Variants in NDRG3 observed in about 807,000 individuals in gnomAD.
NDRG3 encodes the protein NDRG family member 3, also known as protein NDRG3.
In NDRG3, 23 loss-of-function variants were observed where a neutral mutation model predicts 57.2. The ratio of observed to expected loss-of-function variants is 0.40; its 90% CI spans 0.29 to 0.57. The LOEUF is 0.57. Ranked by LOEUF, NDRG3 falls within the 20% of genes least tolerant of loss-of-function variation. The pLI is 0.42. For missense variants in NDRG3, 384 were observed against 457.3 expected (o/e 0.84, Z 1.46); for synonymous variants, 132 against 162.6 (o/e 0.81, Z 1.43).
intron 9 of NDRG3, 143 bp downstream of exon 9, chr20:36,671,198 G>T: frequency 1.5e-6 from 1 of 663,600 alleles, no homozygotes. Flanking sequence ...ACCTTTGCAG[G>T]GCCACATGCC....
At chr20:36,681,918 G>T (rs528197811) in intron 7 of NDRG3, among the ~76,000 whole-genome samples, 16 of 152,056 alleles carry the variant, frequency 1.1e-4, no homozygotes, top group Admixed American at 8.5e-4. Context: ...GGCTGGTCTC[G>T]AACTCCTGAC....
intron 2 of NDRG3, among the ~76,000 whole-genome samples, chr20:36,717,579 C>G (rs994452547): frequency 1.3e-5 from 2 of 152,188 alleles, no homozygotes; most frequent in Non-Finnish European, 2.9e-5. Context: ...CTTTACTGGG[C>G]AAACCAGCCT....
Position 36,653,529 on chromosome 20 carries a change from C to T in NDRG3, c.1119G>A (p.Val373=), listed in dbSNP as rs1319953843. Reference sequence around the variant, plus strand: ...GGGGAGGAGCATCTGCTTAGCAGGACACCTCCATGGTCTGGTGTCTGTCCA... The same window carrying T: ...GGGGAGGAGCATCTGCTTAGCAGGATACCTCCATGGTCTGGTGTCTGTCCA... ...DVLDRHQTME[V]SC is the part of the protein sequence containing the mutation. The change falls in exon 16 of 16, where the codon GTG becomes GTA. Residue 373 remains valine, a synonymous_variant. Transcript: ENST00000349004. This position sits in a 1 kb window ranked among gnomAD's most constrained non-coding sequence, Gnocchi z 4.2. 1.2e-6 allele frequency: 2 copies of T among 1,613,762 alleles called. No homozygotes were observed. The highest frequency in any genetic ancestry group is 1.3e-5 in the African/African-American group (1 of 74,914).
In NDRG3 at chr20:36,736,454, G is replaced by A. The variant is rs1037724580; in HGVS notation, c.-49+9591C>T. 7.2e-5 allele frequency among the ~76,000 whole-genome samples: 11 copies of A among 152,124 alleles called. No individual in the cohort carries two copies. In the East Asian group the frequency reaches 7.7e-4, roughly 11 times the overall value. On this transcript the variant is annotated intron_variant, in intron 1 of 15. Transcript: ENST00000349004. ...AGGTGTGGAGCTGGAACTAGCATGCGGATTCCTAGCTCAGCTCTGAAAGAG... is the reference window on the plus strand; with the variant it reads ...AGGTGTGGAGCTGGAACTAGCATGCAGATTCCTAGCTCAGCTCTGAAAGAG...
chr20:36,675,200 C>T (rs528786459), intron 8 of NDRG3, among the ~76,000 whole-genome samples: 98 of 143,736 alleles, frequency 6.8e-4, no homozygotes, highest in South Asian at 3.4e-3. Context: ...GCTGGGATTA[C>T]AGACATGTGC....
rs200747256 is a variant in NDRG3 at position 36,687,529 on chromosome 20, G to C, written c.283C>G (p.Pro95Ala). The C allele has an allele frequency of 1.2e-6, 2 of 1,613,902 alleles. No individual in the cohort carries two copies. The highest frequency in any genetic ancestry group is 1.7e-6 in the Non-Finnish European group (2 of 1,180,004). The change falls in exon 5 of 16, where the codon CCA becomes GCA. Residue 95 changes from proline to alanine, a missense_variant. Pro to Ala is a conservative substitution (Grantham distance 27, BLOSUM62 -1). Coordinates refer to ENST00000349004, the MANE Select transcript of NDRG3 (RefSeq NM_032013.4). ...GAGGGTGCACCTTCCTGCTGGCCTG[G>C]GGCATCCACATGACAGACAGCAAAG... ...QHFAVCHVDA[P>A]GQQEGAPSFP...
At chr20:36,691,418 T>A (rs1270784656) in intron 3 of NDRG3, among the ~76,000 whole-genome samples, 2 of 152,138 alleles carry the variant, frequency 1.3e-5, no homozygotes, top group East Asian at 3.9e-4. Flanking sequence ...AAACTGGCTA[T>A]GAAATAAAGT....
In NDRG3 at chr20:36,697,948, GT is replaced by G. The variant is rs754191391; in HGVS notation, c.93+9023del. Among the ~76,000 whole-genome samples, 292 of 144,432 alleles carry G rather than the reference GT, an allele frequency of 2.0e-3. 1 individual carries two copies. The highest frequency in any genetic ancestry group is 3.2e-3 in the Non-Finnish European group (209 of 65,872). The allele number at this position is 144,432 out of a possible 152,430, so 94.8% of individuals were successfully genotyped here. A position where few individuals can be genotyped will look rare whatever the true frequency, so the allele number is the denominator to read the frequency against. On this transcript the variant is annotated intron_variant, in intron 3 of 15. Coordinates refer to ENST00000349004, the MANE Select transcript of NDRG3 (RefSeq NM_032013.4). ...TAGTTCTAGGTTACATAATTTGCGA[GT>G]TTTTTTCTTTTTTCTTTTTTTTTTT...
chr20:36,739,456 GAA>G (rs77545191), intron 1 of NDRG3, among the ~76,000 whole-genome samples: 1 of 113,988 alleles, frequency 8.8e-6, no homozygotes. Context: ...CAAAAAAAAA[GAA>G]AAAAAAAAAA....
chr20:36,707,210 T>C (rs942840613), intron 2 of NDRG3, among the ~76,000 whole-genome samples: 3 of 152,240 alleles, frequency 2.0e-5, no homozygotes, highest in Non-Finnish European at 4.4e-5. Context: ...GGTGAGATTA[T>C]GCTTTAGTGG....
In NDRG3 at chr20:36,703,421, CCTATCTATCTAT is replaced by C. The variant is rs5841239; in HGVS notation, c.93+3539_93+3550del. On this transcript the variant is annotated intron_variant, in intron 3 of 15. Transcript: ENST00000349004. Reference sequence around the variant, plus strand: ...CTCTAAATATATATATATGTAATATCCTATCTATCTATCTATCTATCTATCTATCTATCTATC... The same window carrying C: ...CTCTAAATATATATATATGTAATATCCTATCTATCTATCTATCTATCTATC... 4.3e-3 allele frequency among the ~76,000 whole-genome samples: 634 copies of C among 147,010 alleles called. 7 individuals carry two copies. Among genetic ancestry groups the C allele is most frequent in the African/African-American group, 0.014 (575 of 39,804 alleles).
At chr20:36,656,570 C>T (rs1024725252) in intron 13 of NDRG3, 38 bp from the exon 14 acceptor site, 1 of 1,612,832 alleles carries the variant, frequency 6.2e-7, no homozygotes, top group African/African-American at 1.3e-5. Context: ...CTGGGACTTA[C>T]CCTTAAGAGA....
At chr20:36,738,762 G>A (rs1985745616) in intron 1 of NDRG3, among the ~76,000 whole-genome samples, 1 of 148,838 alleles carries the variant, frequency 6.7e-6, no homozygotes, top group Non-Finnish European at 1.5e-5. Context: ...GGCAGAGGTT[G>A]CAGTGAACTG....
intron 10 of NDRG3, among the ~76,000 whole-genome samples, chr20:36,665,921 A>T (rs888195842): frequency 6.6e-6 from 1 of 152,144 alleles, no homozygotes; most frequent in African/African-American, 2.4e-5. Context: ...ACAGGAATAA[A>T]TTCCTTAAGA....
chr20:36,660,782 G>A (rs1200371092), intron 12 of NDRG3, among the ~76,000 whole-genome samples: 4 of 152,094 alleles, frequency 2.6e-5, no homozygotes, highest in Non-Finnish European at 2.9e-5. Context: ...GGATGGTCTC[G>A]ATCTCCTGAC....
chr20:36,674,455 G>A (rs1490408632), intron 8 of NDRG3, among the ~76,000 whole-genome samples: 8 of 151,762 alleles, frequency 5.3e-5, no homozygotes, highest in African/African-American at 1.9e-4. Context: ...CGCCCACCTC[G>A]ACCTCCCAAA....
At chr20:36,722,467 TAATAC>T (rs1984650327) in intron 1 of NDRG3, among the ~76,000 whole-genome samples, 1 of 152,212 alleles carries the variant, frequency 6.6e-6, no homozygotes, top group Non-Finnish European at 1.5e-5. Context: ...TTAATACAAT[TAATAC>T]AATAGTCTTT....
chr20:36,712,397 T>C lies in NDRG3; in HGVS notation c.58-5390A>G, dbSNP rs1600939796. On this transcript the variant is annotated intron_variant, in intron 2 of 15. Coordinates refer to ENST00000349004, the MANE Select transcript of NDRG3 (RefSeq NM_032013.4). ...GACTTGTTTCTTTTTCTTTTTCTTT[T>C]TTTTTTTTTTTTTCCTGAGATAGGG... Among the ~76,000 whole-genome samples, 4 of 143,114 alleles carry C rather than the reference T, an allele frequency of 2.8e-5. No homozygotes were observed. The East Asian group carries it at 6.0e-4, about 21-fold the overall frequency. 93.9% of individuals were successfully genotyped at this position (143,114 alleles called of 152,430 possible). A position where few individuals can be genotyped will look rare whatever the true frequency, so the allele number is the denominator to read the frequency against.
intron 12 of NDRG3, among the ~76,000 whole-genome samples, chr20:36,664,116 TTAA>T (rs1979421716): frequency 6.6e-6 from 1 of 152,118 alleles, no homozygotes; most frequent in Non-Finnish European, 1.5e-5. Flanking sequence ...AGTAACATTA[TTAA>T]TAATGCAAAA....
Sources: allele counts gnomAD v4.1 joint callset (sites outside exome capture counted in the v4.1 genomes callset), GRCh38; gene constraint gnomAD v4.1.1; non-coding constraint Gnocchi (gnomAD v3.1); transcripts MANE v1.5; gene names NCBI Gene and HGNC (gene_info 2026-07-23, HGNC 2026-07-21).